MYO5A: variants seen among roughly 807,000 people sequenced by gnomAD.
MYO5A encodes the protein unconventional myosin-Va.
In MYO5A, 98 loss-of-function variants were observed where a neutral mutation model predicts 249.7. The observed-to-expected ratio is 0.39, with a 90% CI of 0.33 to 0.46. MYO5A has a LOEUF of 0.46. MYO5A is among the 20% of genes least tolerant of loss of function. The pLI, the probability that MYO5A is intolerant of heterozygous loss-of-function variation, is 0.98. For missense variants in MYO5A, 1,696 were observed against 2,308.8 expected, an observed-to-expected ratio of 0.73 and a Z score of 5.44; for synonymous variants, 778 against 810.6, an observed-to-expected ratio of 0.96 and a Z score of 0.68.
At chr15:52,353,518 G>A (rs1032182376) in intron 27 of MYO5A, 87 bp downstream of exon 27, 5 of 1,119,702 alleles carry the variant, frequency 4.5e-6, no homozygotes, top group African/African-American at 3.1e-5. Flanking sequence ...CAACCCTTAA[G>A]GATGTTCTCT....
At chr15:52,485,890 TAAA>T (rs1455417939) in intron 1 of MYO5A, among the ~76,000 whole-genome samples, 1 of 152,238 alleles carries the variant, frequency 6.6e-6, no homozygotes, top group Non-Finnish European at 1.5e-5. Flanking sequence ...AACACTATAG[TAAA>T]TCCTTTAGGC....
chr15:52,329,360 C>T (rs1260611475), intron 35 of MYO5A, among the ~76,000 whole-genome samples: 1 of 152,222 alleles, frequency 6.6e-6, no homozygotes, highest in Non-Finnish European at 1.5e-5. Context: ...ACCCTGGCAC[C>T]TGGCGGGAGG....
intron 34 of MYO5A, among the ~76,000 whole-genome samples, chr15:52,334,551 C>T (rs1022587780): frequency 6.6e-6 from 1 of 152,116 alleles, no homozygotes; most frequent in African/African-American, 2.4e-5. Flanking sequence ...ATAAAATAAT[C>T]TTTCTGATTT....
chr15:52,513,304 G>C (rs529392053), intron 1 of MYO5A, among the ~76,000 whole-genome samples: 1 of 151,320 alleles, frequency 6.6e-6, no homozygotes, highest in Admixed American at 6.6e-5. Flanking sequence ...GGTGCCATGT[G>C]CCTATAATCC....
intron 31 of MYO5A, among the ~76,000 whole-genome samples, chr15:52,342,389 T>C (rs1294413266): frequency 2.0e-5 from 3 of 152,122 alleles, no homozygotes; most frequent in Non-Finnish European, 4.4e-5. Context: ...GTAGCCACAT[T>C]GCCATAGACA....
At chr15:52,475,582 G>A (rs1487809378) in intron 1 of MYO5A, among the ~76,000 whole-genome samples, 5 of 152,150 alleles carry the variant, frequency 3.3e-5, no homozygotes, top group Admixed American at 3.3e-4. Flanking sequence ...ATTCTGGTAT[G>A]TTGTGTCTTT....
At chr15:52,408,390 C>T (rs2043101950) in intron 6 of MYO5A, among the ~76,000 whole-genome samples, 1 of 152,020 alleles carries the variant, frequency 6.6e-6, no homozygotes, top group Non-Finnish European at 1.5e-5. Context: ...AACTAGTGAA[C>T]AGCTTGATAT....
chr15:52,323,787 T>C (rs1395878457), intron 36 of MYO5A: 3 of 315,154 alleles, frequency 9.5e-6, no homozygotes, highest in Non-Finnish European at 6.1e-6. Flanking sequence ...ATGGATTGCC[T>C]GGGGTCAGGA....
intron 1 of MYO5A, among the ~76,000 whole-genome samples, chr15:52,509,218 T>A (rs1349155042): frequency 6.6e-6 from 1 of 152,192 alleles, no homozygotes. Context: ...GCAATCCACT[T>A]GCTTCAGCCT....
chr15:52,376,616 A>G (rs1441581147), intron 18 of MYO5A, 58 bp from the exon 19 acceptor site: 2 of 1,510,670 alleles, frequency 1.3e-6, no homozygotes, highest in African/African-American at 2.8e-5. Flanking sequence ...GAAATTTAAA[A>G]GAAAAAATGT....
intron 1 of MYO5A, among the ~76,000 whole-genome samples, chr15:52,493,023 C>A (rs550726719): frequency 2.0e-5 from 3 of 151,806 alleles, no homozygotes; most frequent in African/African-American, 7.2e-5. Flanking sequence ...AACCCTTAGT[C>A]TATCACCAAG....
At chr15:52,526,887 T>C (rs534364226) in intron 1 of MYO5A, among the ~76,000 whole-genome samples, 6 of 152,314 alleles carry the variant, frequency 3.9e-5, no homozygotes, top group African/African-American at 1.4e-4. Flanking sequence ...AGCCTACTAT[T>C]AGGTGACTCA....
intron 16 of MYO5A, among the ~76,000 whole-genome samples, chr15:52,381,596 C>T (rs1024936060): frequency 6.6e-6 from 1 of 152,124 alleles, no homozygotes; most frequent in Non-Finnish European, 1.5e-5. Context: ...AAATGGCCAT[C>T]AGTAGGAACT....
Position 52,321,445 on chromosome 15 carries a change from T to C in MYO5A, c.4865A>G (p.Glu1622Gly). The C allele has an allele frequency of 1.9e-6, 3 of 1,614,214 alleles. No individual in the cohort carries two copies. The highest frequency in any genetic ancestry group is 2.5e-6 in the Non-Finnish European group (3 of 1,180,030). The change falls in exon 38 of 42, where the codon GAG (glutamate) becomes GGG (glycine). Residue 1622 changes from glutamate (E) to glycine (G), a missense_variant. This residue lies in a region of MYO5A where 625 missense variants were observed against 908.1 expected (regional missense o/e 0.69). Coordinates refer to ENST00000399233, the MANE Select transcript of MYO5A (RefSeq NM_001382347.1). Reference protein sequence around the residue: ...EHCLTNFDLAEYRQVLSDLAI... With the variant: ...EHCLTNFDLAGYRQVLSDLAI... ...CAAGTCACTCAGCACCTGCCGATAC[T>C]CAGCCAGGTCAAAATTGGTGAGGCA...
At chr15:52,362,859 A>G (rs1161409308) in intron 24 of MYO5A, among the ~76,000 whole-genome samples, 1 of 152,174 alleles carries the variant, frequency 6.6e-6, no homozygotes, top group Non-Finnish European at 1.5e-5. Context: ...TCACAGATGG[A>G]TATCTCTGGA....
chr15:52,525,894 G>C (rs1471230424), intron 1 of MYO5A, among the ~76,000 whole-genome samples: 2 of 152,140 alleles, frequency 1.3e-5, no homozygotes, highest in African/African-American at 4.8e-5. Flanking sequence ...GATTCAAAGT[G>C]GGTCAAGAAT....
chr15:52,493,055 A>T (rs57485254), intron 1 of MYO5A, among the ~76,000 whole-genome samples: 22,787 of 152,110 alleles, frequency 0.15, 1,794 homozygotes, highest in Middle Eastern at 0.22. Flanking sequence ...GAAAGGCCTG[A>T]GGTGCAGGCC....
intron 30 of MYO5A, among the ~76,000 whole-genome samples, chr15:52,346,065 C>A (rs2039609379): frequency 6.6e-6 from 1 of 152,194 alleles, no homozygotes; most frequent in Non-Finnish European, 1.5e-5. Context: ...GATTGTATGA[C>A]CTGAGCAGGT....
intron 1 of MYO5A, among the ~76,000 whole-genome samples, chr15:52,510,223 T>C (rs1338843671): frequency 6.6e-6 from 1 of 152,228 alleles, no homozygotes; most frequent in Non-Finnish European, 1.5e-5. Context: ...CTTTAACTGC[T>C]GCCCCACTGA....
Sources: gnomAD v4.1 joint callset for allele counts (sites outside exome capture counted in the v4.1 genomes callset) on GRCh38, gnomAD v4.1.1 for gene constraint, gnomAD v4.1.1 regional missense constraint, MANE v1.5 for transcripts, NCBI Gene and HGNC (gene_info 2026-07-23, HGNC 2026-07-21) for gene names.